CTIF: variants seen among roughly 807,000 people sequenced by gnomAD.
The protein encoded by CTIF is cap binding complex dependent translation initiation factor, also known as CBP80/20-dependent translation initiation factor.
In CTIF, 21 loss-of-function variants were observed where a neutral mutation model predicts 66.0. The observed-to-expected ratio is 0.32, with a 90% CI of 0.23 to 0.46. CTIF has a LOEUF of 0.46. Among genes scored for constraint, CTIF ranks in the 20% least tolerant of loss-of-function variants. The pLI is 1.00. For missense variants in CTIF, 739 were observed against 812.7 expected (o/e 0.91, Z 1.10); for synonymous variants, 345 against 326.4 (o/e 1.06, Z -0.62).
In CTIF at chr18:48,669,793, T is replaced by TATATATATATA. The variant is rs1568120522; in HGVS notation, c.432-876_432-875insATATATATATA. Among the ~76,000 whole-genome samples the TATATATATATA allele has an allele frequency of 1.7e-3, 79 of 47,260 alleles. 20 individuals carry two copies. The highest frequency in any genetic ancestry group is 5.5e-3 in the East Asian group (8 of 1,446). 31.0% of individuals were successfully genotyped at this position (47,260 alleles called of 152,430 possible). ...ATTTATAAACAAACAAGCTAAACAT[T>TATATATATATA]TATATATATATATATATATATATAT... On this transcript the variant is annotated intron_variant, in intron 5 of 11. Transcript: ENST00000256413.
At chr18:48,610,368 T>C (rs2090283980) in intron 1 of CTIF, among the ~76,000 whole-genome samples, 1 of 90,582 alleles carries the variant, frequency 1.1e-5, no homozygotes. Context: ...GACCTGCACG[T>C]CACAGAGCCC....
chr18:48,728,274 A>C (rs904327156), intron 7 of CTIF, among the ~76,000 whole-genome samples: 4 of 152,200 alleles, frequency 2.6e-5, no homozygotes, highest in African/African-American at 9.7e-5. Context: ...GTTTTCACTA[A>C]GAATCACCCC....
intron 9 of CTIF, among the ~76,000 whole-genome samples, chr18:48,783,830 C>T (rs921424211): frequency 1.4e-4 from 21 of 152,158 alleles, no homozygotes; most frequent in African/African-American, 4.8e-4. Flanking sequence ...TGCCGACCAC[C>T]GCCCTCTGAC....
At chr18:48,816,775 G>A (rs866662976) in intron 9 of CTIF, among the ~76,000 whole-genome samples, 1 of 152,256 alleles carries the variant, frequency 6.6e-6, no homozygotes, top group Non-Finnish European at 1.5e-5. Context: ...TGCTGATGAT[G>A]TGTGGGTGGG....
chr18:48,752,473 G>A (rs973502887), intron 7 of CTIF, among the ~76,000 whole-genome samples: 1 of 152,210 alleles, frequency 6.6e-6, no homozygotes, highest in Non-Finnish European at 1.5e-5. Flanking sequence ...GTCATATGGC[G>A]TGTTACAGCA....
chr18:48,796,236 T>C (rs1484373636), intron 9 of CTIF, among the ~76,000 whole-genome samples: 1 of 149,368 alleles, frequency 6.7e-6, no homozygotes, highest in Admixed American at 6.7e-5. Context: ...TGCAGTGGTG[T>C]GATCTCGGCT....
At chr18:48,848,292 C>T (rs573765667) in intron 10 of CTIF, among the ~76,000 whole-genome samples, 3 of 152,342 alleles carry the variant, frequency 2.0e-5, no homozygotes, top group East Asian at 3.9e-4. Flanking sequence ...GCCCAGCCAG[C>T]CAACCTCAGC....
At chr18:48,655,238 G>C (rs959313778) in intron 3 of CTIF, among the ~76,000 whole-genome samples, 14 of 149,670 alleles carry the variant, frequency 9.4e-5, no homozygotes, top group Admixed American at 3.3e-4. Flanking sequence ...CTGGGAGGCC[G>C]AGGTTGCAGT....
chr18:48,717,334 G>T (rs1029300420), intron 7 of CTIF, among the ~76,000 whole-genome samples: 1 of 151,936 alleles, frequency 6.6e-6, no homozygotes, highest in East Asian at 1.9e-4. Context: ...GGAGGCGGAG[G>T]TTGCAGTGAG....
chr18:48,730,215 T>C (rs2092426945), intron 7 of CTIF, among the ~76,000 whole-genome samples: 1 of 149,584 alleles, frequency 6.7e-6, no homozygotes, highest in African/African-American at 2.5e-5. Flanking sequence ...TCCTGTGGTG[T>C]GAGGAGCCCC....
In CTIF at chr18:48,769,890, C is replaced by T. The variant is rs189208137; in HGVS notation, c.1371+8201C>T. On this transcript the variant is annotated intron_variant, in intron 9 of 11. Coordinates refer to ENST00000256413, the MANE Select transcript of CTIF (RefSeq NM_014772.3). The stretch of plus-strand genomic sequence containing the variant: ...TTGCCCTCCACTGTGGTCTTTCAAT[C>T]TGTTTGTGCAAATCTTAAGCATTGC... 1.8e-4 allele frequency among the ~76,000 whole-genome samples: 28 copies of T among 152,310 alleles called. No homozygotes were observed. In the East Asian group the frequency reaches 4.4e-3, roughly 24 times the overall value.
chr18:48,807,211 T>G (rs1458492648), intron 9 of CTIF, among the ~76,000 whole-genome samples: 2 of 152,200 alleles, frequency 1.3e-5, no homozygotes, highest in East Asian at 3.9e-4. Context: ...TTCCCCACCC[T>G]TCTCGTGAGA....
At chr18:48,748,953 C>G (rs1907523687) in intron 7 of CTIF, among the ~76,000 whole-genome samples, 1 of 152,248 alleles carries the variant, frequency 6.6e-6, no homozygotes, top group Non-Finnish European at 1.5e-5. Context: ...TGAGCCCAGG[C>G]TGCATCTCTG....
At chr18:48,590,704 C>T (rs575355686) in intron 1 of CTIF, among the ~76,000 whole-genome samples, 1 of 152,292 alleles carries the variant, frequency 6.6e-6, no homozygotes, top group East Asian at 1.9e-4. Flanking sequence ...ATGGCCACAC[C>T]CTCGGGAGCA....
At chr18:48,610,037 C>A (rs1021258494) in intron 1 of CTIF, among the ~76,000 whole-genome samples, 1 of 150,716 alleles carries the variant, frequency 6.6e-6, no homozygotes, top group African/African-American at 2.4e-5. Flanking sequence ...GAGGGAAGGA[C>A]GGTGCTGGAG....
At chr18:48,742,546 C>T (rs575092555) in intron 7 of CTIF, among the ~76,000 whole-genome samples, 2 of 152,256 alleles carry the variant, frequency 1.3e-5, no homozygotes, top group African/African-American at 4.8e-5. Context: ...GCCCAGAGTC[C>T]TGACTTATCA....
At chr18:48,756,186 C>T (rs1187881047) in intron 7 of CTIF, 1 of 152,232 alleles carries the variant, frequency 6.6e-6, no homozygotes, top group Non-Finnish European at 1.5e-5. Flanking sequence ...CACCCCCACC[C>T]ACCACTCCAG....
chr18:48,718,143 T>TGAACCTGTGCTAGCTATTAGTG (rs1568161590), intron 7 of CTIF, among the ~76,000 whole-genome samples: 1 of 152,252 alleles, frequency 6.6e-6, no homozygotes, highest in Non-Finnish European at 1.5e-5. Context: ...TTGGTCTGTG[T>TGAACCTGTGCTAGCTATTAGTG]GAACCTGTGC....
intron 6 of CTIF, among the ~76,000 whole-genome samples, chr18:48,709,569 G>A (rs919519699): frequency 5.3e-5 from 8 of 152,318 alleles, no homozygotes; most frequent in South Asian, 4.1e-4. Flanking sequence ...AGTCCCTGCC[G>A]CCGCCGGTAG....
Sources: allele counts gnomAD v4.1 joint callset (sites outside exome capture counted in the v4.1 genomes callset), GRCh38; gene constraint gnomAD v4.1.1; transcripts MANE v1.5; gene names NCBI Gene and HGNC (gene_info 2026-07-23, HGNC 2026-07-21).